The following PRRX2 variants were observed in gnomAD, a reference collection of about 807,000 sequenced individuals.
The protein encoded by PRRX2 is paired related homeobox 2.
PRRX2 carries 11 observed loss-of-function variants against 18.0 expected under a neutral mutation model. That is an observed-to-expected ratio of 0.61 (90% CI 0.39 to 1.01). PRRX2 has a LOEUF of 1.01. Among genes scored for constraint, PRRX2 ranks in the 50% least tolerant of loss-of-function variants. The pLI, the probability that PRRX2 is intolerant of heterozygous loss-of-function variation, is 0.01. For missense variants in PRRX2, 387 were observed against 351.0 expected (o/e 1.10, Z -0.82); for synonymous variants, 177 against 154.8 (o/e 1.14, Z -1.06).
intron 1 of PRRX2, among the ~76,000 whole-genome samples, chr9:129,694,157 A>AC (rs1372872569): frequency 4.0e-5 from 6 of 151,892 alleles, no homozygotes; most frequent in Non-Finnish European, 8.8e-5. Context: ...GCTCAAAAAC[A>AC]CCCCACGTCT....
intron 1 of PRRX2, among the ~76,000 whole-genome samples, chr9:129,700,412 C>G (rs970729813): frequency 3.3e-5 from 5 of 151,176 alleles, no homozygotes; most frequent in African/African-American, 1.2e-4. Flanking sequence ...AATCTCGGCT[C>G]TCCGCCTCCC....
At position 129,722,307 on chromosome 9, in the gene PRRX2, C is replaced by T. The variant is rs200632042; in HGVS notation, c.717C>T (p.Ala239=). 2.5e-6 allele frequency: 4 copies of T among 1,614,036 alleles called. No homozygotes were observed. In the African/African-American group the frequency reaches 5.3e-5, roughly 22 times the overall value. Residue 239 remains alanine (A), a synonymous_variant, in exon 4 of 4, where the codon GCC becomes GCT. Transcript: ENST00000372469. Reference sequence around the variant, plus strand: ...GCATCGCCAGCCTCCGTCTCAAGGCCAAGGAGTTCAGCCTGCACCACAGCC... The same window carrying T: ...GCATCGCCAGCCTCCGTCTCAAGGCTAAGGAGTTCAGCCTGCACCACAGCC... ...ANSIASLRLK[A]KEFSLHHSQV...
intron 1 of PRRX2, among the ~76,000 whole-genome samples, chr9:129,678,746 T>C (rs1342057130): frequency 6.6e-6 from 1 of 152,118 alleles, no homozygotes; most frequent in East Asian, 1.9e-4. Context: ...GGATGCGTTC[T>C]GTGTGTCTGT....
At position 129,720,616 on chromosome 9, in the gene PRRX2, C is replaced by T. The variant is rs538411699; in HGVS notation, c.468C>T (p.Arg156=). 64 of 1,611,164 alleles carry T rather than the reference C, an allele frequency of 4.0e-5. No homozygotes were observed. In the South Asian group the frequency reaches 5.3e-4, roughly 13 times the overall value. Residue 156 remains arginine (R), a synonymous_variant, in exon 3 of 4, where the codon CGC becomes CGT. Coordinates refer to ENST00000372469, the MANE Select transcript of PRRX2 (RefSeq NM_016307.4). The part of the protein sequence containing the change: ...ARVQVWFQNR[R]AKFRRNERAM... ...CACAGGTCTGGTTTCAGAACCGCCG[C>T]GCCAAGTTCCGCAGGAATGAAAGGG... is the stretch of plus-strand genomic sequence containing the variant.
intron 3 of PRRX2, 129 bp downstream of exon 3, chr9:129,720,903 G>A: frequency 2.8e-6 from 3 of 1,084,666 alleles, no homozygotes; most frequent in South Asian, 2.0e-5. Context: ...GGGATCTGGG[G>A]TACACCAAGT....
chr9:129,693,584 G>A (rs952030878), intron 1 of PRRX2, among the ~76,000 whole-genome samples: 2 of 144,496 alleles, frequency 1.4e-5, no homozygotes, highest in African/African-American at 5.4e-5. Flanking sequence ...GGCGACAAGA[G>A]CGAAACTCTG....
intron 1 of PRRX2, among the ~76,000 whole-genome samples, chr9:129,669,154 C>T (rs985397089): frequency 1.4e-5 from 1 of 73,822 alleles, no homozygotes; most frequent in African/African-American, 9.0e-5. Flanking sequence ...ATAGCAGGCT[C>T]AAACTTTTTT....
In PRRX2 at chr9:129,709,642, G is replaced by A. The variant is rs1040899065; in HGVS notation, c.260-9589G>A. ...GGCTTCCATCATCACCTTCCTTCCC[G>A]GGATGTGTTTCTCCTTCTCCAGGCT... On this transcript the variant is annotated intron_variant, in intron 1 of 3. Coordinates refer to ENST00000372469, the MANE Select transcript of PRRX2 (RefSeq NM_016307.4). This position sits in a 1 kb window ranked among gnomAD's most constrained non-coding sequence, Gnocchi z 4.2. 2.0e-5 allele frequency among the ~76,000 whole-genome samples: 3 copies of A among 152,198 alleles called. No homozygotes were observed. The highest frequency in any genetic ancestry group is 7.2e-5 in the African/African-American group (3 of 41,454).
rs10120140 is a variant in PRRX2, at chr9:129,675,873, C to T, written c.259+9747C>T. 6.6e-6 allele frequency among the ~76,000 whole-genome samples: 1 copy of T among 152,172 alleles called. No homozygotes were observed. Among genetic ancestry groups the T allele is most frequent in the African/African-American group, 2.4e-5 (1 of 41,432 alleles). Reference sequence around the variant, plus strand: ...GCCTCCCGTATAAAACCCCGCAGAACGCCGAGGTCTTGAAAGCCAGTGCAC... The same window carrying T: ...GCCTCCCGTATAAAACCCCGCAGAATGCCGAGGTCTTGAAAGCCAGTGCAC... On this transcript the variant is annotated intron_variant, in intron 1 of 3. Transcript: ENST00000372469. This position sits in a 1 kb window ranked among gnomAD's most constrained non-coding sequence, Gnocchi z 4.4.
At chr9:129,673,730 G>A (rs1832129386) in intron 1 of PRRX2, among the ~76,000 whole-genome samples, 1 of 152,096 alleles carries the variant, frequency 6.6e-6, no homozygotes, top group Admixed American at 6.6e-5. Flanking sequence ...CCCTGATGGA[G>A]CCCTGGCTGT....
At chr9:129,719,566 C>A in intron 2 of PRRX2, 148 bp downstream of exon 2, 2 of 1,057,894 alleles carry the variant, frequency 1.9e-6, no homozygotes, top group Non-Finnish European at 2.6e-6. Context: ...CCCAGCCCTG[C>A]CACTTACTGG....
intron 1 of PRRX2, among the ~76,000 whole-genome samples, chr9:129,690,021 GA>G (rs1034348444): frequency 1.3e-5 from 2 of 151,924 alleles, no homozygotes; most frequent in African/African-American, 4.8e-5. Flanking sequence ...AAAGTGCTGG[GA>G]TCACAGGCGT....
chr9:129,674,379 G>A (rs1436621924), intron 1 of PRRX2, among the ~76,000 whole-genome samples: 1 of 152,152 alleles, frequency 6.6e-6, no homozygotes, highest in Non-Finnish European at 1.5e-5. Flanking sequence ...GCTTTTCTGT[G>A]CGTGGGATGG....
chr9:129,683,655 A>G (rs1832261225), intron 1 of PRRX2, among the ~76,000 whole-genome samples: 1 of 152,264 alleles, frequency 6.6e-6, no homozygotes, highest in African/African-American at 2.4e-5. Flanking sequence ...GAATGGCGGG[A>G]ACCCGGGAGG....
In PRRX2 at chr9:129,722,427, G is replaced by T; in HGVS notation, c.*75G>T. ...AAAAGGGGGCAGACGCCCAGGAAGT[G>T]ACCTTCTCCTGGATGAGCTCTCCTG... On this transcript the variant is annotated 3_prime_UTR_variant, in exon 4 of 4. Transcript: ENST00000372469. The T allele has an allele frequency of 1.3e-6, 2 of 1,545,984 alleles. No homozygotes were observed. Among genetic ancestry groups the T allele is most frequent in the South Asian group, 1.2e-5 (1 of 82,554 alleles).
chr9:129,687,875 C>T (rs917386698), intron 1 of PRRX2, among the ~76,000 whole-genome samples: 2 of 152,212 alleles, frequency 1.3e-5, no homozygotes, highest in African/African-American at 2.4e-5. Context: ...GTAGCCCCCT[C>T]GCACAGTGAT....
At chr9:129,692,737 T>C (rs1369142470) in intron 1 of PRRX2, among the ~76,000 whole-genome samples, 1 of 152,210 alleles carries the variant, frequency 6.6e-6, no homozygotes, top group East Asian at 1.9e-4. Context: ...CGATAGCTCC[T>C]TTTTTCAGTG....
intron 1 of PRRX2, among the ~76,000 whole-genome samples, chr9:129,706,828 A>T (rs959504555): frequency 6.6e-6 from 1 of 152,170 alleles, no homozygotes; most frequent in Non-Finnish European, 1.5e-5. Flanking sequence ...ACATTTTCAT[A>T]CCCCCAAAAG....
intron 1 of PRRX2, among the ~76,000 whole-genome samples, chr9:129,688,222 C>T (rs149861319): frequency 1.3e-5 from 2 of 152,258 alleles, no homozygotes; most frequent in East Asian, 3.9e-4. Flanking sequence ...ACTACCATGC[C>T]TGGCTAATTT....
Sources: gnomAD v4.1 joint callset for allele counts (sites outside exome capture counted in the v4.1 genomes callset) on GRCh38, gnomAD v4.1.1 for gene constraint, Gnocchi (gnomAD v3.1) non-coding constraint, MANE v1.5 for transcripts, NCBI Gene and HGNC (gene_info 2026-07-23, HGNC 2026-07-21) for gene names.